Variants in HIVEP3 observed in about 807,000 individuals in gnomAD.
The protein encoded by HIVEP3 is HIVEP zinc finger 3.
A neutral mutation model predicts 152.8 loss-of-function variants in HIVEP3; 49 were observed. That is an observed-to-expected ratio of 0.32 (90% CI 0.26 to 0.41). The LOEUF is 0.41. HIVEP3 is among the 10% of genes least tolerant of loss of function. The pLI is 1.00. For missense variants in HIVEP3, 2,790 were observed against 3,103.3 expected (o/e 0.90, Z 2.40); for synonymous variants, 1,269 against 1,289.0 (o/e 0.98, Z 0.33).
At position 41,787,056 on chromosome 1, in the gene HIVEP3, T is replaced by A. The variant is rs1158439269; in HGVS notation, c.-800-86061A>T. ...GGTGAGCTACCACACCCGGCCTACA[T>A]ATGTAATTTCCTAGTAGCAACATTA... is the stretch of plus-strand genomic sequence containing the variant. On this transcript the variant is annotated intron_variant, in intron 1 of 8. Transcript: ENST00000372583. Among the ~76,000 whole-genome samples, 9 of 152,224 alleles carry A rather than the reference T, an allele frequency of 5.9e-5. No homozygotes were observed. In the East Asian group the frequency reaches 1.7e-3, roughly 29 times the overall value.
chr1:41,958,312 G>A (rs187728343), intron 1 of HIVEP3, among the ~76,000 whole-genome samples: 39 of 152,346 alleles, frequency 2.6e-4, no homozygotes, highest in African/African-American at 6.5e-4. Flanking sequence ...GTTCAGGAGC[G>A]AGACAATGCC....
At chr1:41,705,515 G>C (rs892343914) in intron 1 of HIVEP3, among the ~76,000 whole-genome samples, 5 of 152,232 alleles carry the variant, frequency 3.3e-5, no homozygotes, top group African/African-American at 1.2e-4. Context: ...CAAAAAGGAT[G>C]TGAGGAAGGT....
At chr1:41,657,650 A>G (rs1336151536) in intron 2 of HIVEP3, among the ~76,000 whole-genome samples, 2 of 152,352 alleles carry the variant, frequency 1.3e-5, no homozygotes, top group East Asian at 3.9e-4. Context: ...AGGCACAGGT[A>G]TCTAATGAGA....
intron 1 of HIVEP3, among the ~76,000 whole-genome samples, chr1:41,747,203 G>C (rs1455776941): frequency 6.6e-6 from 1 of 152,240 alleles, no homozygotes; most frequent in Non-Finnish European, 1.5e-5. Flanking sequence ...CTCAGGGCTA[G>C]GAAGAAGGGC....
intron 3 of HIVEP3, among the ~76,000 whole-genome samples, chr1:41,619,201 C>T (rs567179537): frequency 1.9e-4 from 29 of 152,292 alleles, no homozygotes; most frequent in South Asian, 1.9e-3. Context: ...ATCTTGCCTC[C>T]GCCTGGAATA....
intron 1 of HIVEP3, among the ~76,000 whole-genome samples, chr1:41,941,404 G>T (rs78387029): frequency 2.3e-3 from 345 of 152,304 alleles, no homozygotes; most frequent in African/African-American, 5.1e-3. Context: ...AGTGGTCTAT[G>T]ATCTAAGGAG....
At chr1:41,771,418 C>A (rs1319472762) in intron 1 of HIVEP3, among the ~76,000 whole-genome samples, 2 of 152,114 alleles carry the variant, frequency 1.3e-5, no homozygotes, top group Non-Finnish European at 2.9e-5. Context: ...TAAACTTTAG[C>A]CAAATTAAAG....
chr1:41,590,663 T>A (rs1046611409), intron 3 of HIVEP3, among the ~76,000 whole-genome samples: 3 of 152,166 alleles, frequency 2.0e-5, no homozygotes, highest in African/African-American at 7.2e-5. Flanking sequence ...CACTAACTCA[T>A]CCAGGGGATT....
At chr1:41,899,013 A>G (rs888484000) in intron 1 of HIVEP3, among the ~76,000 whole-genome samples, 3 of 152,276 alleles carry the variant, frequency 2.0e-5, no homozygotes, top group African/African-American at 7.2e-5. Context: ...CAAGATGCGG[A>G]TGGTGAACAC....
intron 3 of HIVEP3, among the ~76,000 whole-genome samples, chr1:41,607,991 C>CT (rs1644845703): frequency 6.6e-6 from 1 of 152,218 alleles, no homozygotes; most frequent in Non-Finnish European, 1.5e-5. Flanking sequence ...CTCACACGAG[C>CT]CCATGGCCAC....
chr1:41,653,016 A>C (rs1558150470), intron 2 of HIVEP3, among the ~76,000 whole-genome samples: 1 of 132,226 alleles, frequency 7.6e-6, no homozygotes, highest in Non-Finnish European at 1.6e-5. Flanking sequence ...TCTTCTGAGG[A>C]TAAAAGAAAT....
chr1:41,698,552 G>A (rs901351285), intron 2 of HIVEP3, among the ~76,000 whole-genome samples: 4 of 152,142 alleles, frequency 2.6e-5, no homozygotes, highest in Non-Finnish European at 2.9e-5. Flanking sequence ...AAGTTGATGA[G>A]GGAGCTGTGT....
intron 1 of HIVEP3, among the ~76,000 whole-genome samples, chr1:41,809,271 T>C (rs1038109116): frequency 6.6e-6 from 1 of 152,236 alleles, no homozygotes; most frequent in Non-Finnish European, 1.5e-5. Context: ...TAACCCTTCA[T>C]TGTTGACGGC....
intron 1 of HIVEP3, among the ~76,000 whole-genome samples, chr1:41,805,181 AC>A (rs1650529132): frequency 1.3e-5 from 2 of 152,182 alleles, no homozygotes; most frequent in Non-Finnish European, 2.9e-5. Context: ...TACTGAAAAT[AC>A]AAAAATTAGC....
chr1:41,662,841 G>A lies in HIVEP3; in HGVS notation c.-720-33894C>T, dbSNP rs1271850373. ...CGCCTTGGTCGCACCCGGGCCCAGCGGGAGTCCATCGCCGTCCCCAAAGTG... is the reference window on the plus strand; with the variant it reads ...CGCCTTGGTCGCACCCGGGCCCAGCAGGAGTCCATCGCCGTCCCCAAAGTG... On this transcript the variant is annotated intron_variant, in intron 2 of 8. Coordinates refer to ENST00000372583, the MANE Select transcript of HIVEP3 (RefSeq NM_024503.5). This position sits in a 1 kb window ranked among gnomAD's most constrained non-coding sequence, Gnocchi z 7.2. 1.3e-5 allele frequency among the ~76,000 whole-genome samples: 2 copies of A among 152,146 alleles called. No homozygotes were observed. Among genetic ancestry groups the A allele is most frequent in the Non-Finnish European group, 2.9e-5 (2 of 67,984 alleles).
rs1647001667 is a variant in HIVEP3 at position 41,741,853 on chromosome 1, C to T, written c.-800-40858G>A. ...GCTGTTTTGAAAACTAGAAGCCATC[C>T]TATCTGTAGGATGCCAGAAACATAG... On this transcript the variant is annotated intron_variant, in intron 1 of 8. Transcript: ENST00000372583. Among the ~76,000 whole-genome samples, 3 of 152,206 alleles carry T rather than the reference C, an allele frequency of 2.0e-5. No individual in the cohort carries two copies. The East Asian group carries it at 5.8e-4, about 29-fold the overall frequency.
At chr1:41,687,409 C>T (rs995421558) in intron 2 of HIVEP3, among the ~76,000 whole-genome samples, 1 of 152,226 alleles carries the variant, frequency 6.6e-6, no homozygotes, top group Admixed American at 6.5e-5. Context: ...GCCTATGTGC[C>T]TCTCCTTTCT....
intron 1 of HIVEP3, among the ~76,000 whole-genome samples, chr1:42,005,581 G>A (rs112649631): frequency 0.012 from 1,854 of 152,194 alleles, 34 homozygotes; most frequent in African/African-American, 0.042. Flanking sequence ...AGTTTCCATC[G>A]CCCATGGAGG....
At chr1:41,809,463 C>T (rs606850) in intron 1 of HIVEP3, among the ~76,000 whole-genome samples, 53,932 of 152,088 alleles carry the variant, frequency 0.35, 11,187 homozygotes, top group East Asian at 0.8. Flanking sequence ...GGTGATTCTT[C>T]CAATGCATTG....
Sources: allele counts gnomAD v4.1 joint callset (sites outside exome capture counted in the v4.1 genomes callset), GRCh38; gene constraint gnomAD v4.1.1; non-coding constraint Gnocchi (gnomAD v3.1); transcripts MANE v1.5; gene names NCBI Gene and HGNC (gene_info 2026-07-23, HGNC 2026-07-21).